NUP155: variants seen among roughly 807,000 people sequenced by gnomAD.
The protein encoded by NUP155 is nuclear pore complex protein Nup155.
In NUP155, 71 loss-of-function variants were observed where a neutral mutation model predicts 180.4. That is an observed-to-expected ratio of 0.39 (90% confidence interval 0.33 to 0.48). NUP155 has a LOEUF of 0.48. Ranked by LOEUF, NUP155 falls within the 20% of genes least tolerant of loss-of-function variation. NUP155 has a pLI of 0.91. For synonymous variants in NUP155, 582 were observed against 559.5 expected, an observed-to-expected ratio of 1.04 and a Z score of -0.57; for missense variants, 1,553 against 1,648.9, an observed-to-expected ratio of 0.94 and a Z score of 1.01.
chr5:37,318,084 T>C lies in NUP155; in HGVS notation c.2209A>G (p.Thr737Ala). The change falls in exon 21 of 35, where the codon ACT (threonine) becomes GCT (alanine). Residue 737 changes from threonine to alanine, a missense_variant and splice_region_variant. Physicochemically the swap from Thr to Ala is moderately conservative, Grantham distance 58. Transcript: ENST00000231498. ...FAGGPLGNPNTTAKVQQRLIG... is the reference protein window; with the variant it reads ...FAGGPLGNPNATAKVQQRLIG... ...AGCCTCTGCTGCACTTTAGCAGTAG[T>C]ACTGAAACAGAAATTGCAGAATGTG... is the stretch of plus-strand genomic sequence containing the variant. The C allele has an allele frequency of 2.5e-6, 4 of 1,586,912 alleles. No homozygotes were observed. The highest frequency in any genetic ancestry group is 3.5e-6 in the Non-Finnish European group (4 of 1,155,260).
intron 18 of NUP155, chr5:37,327,045 A>T (rs1016565788): frequency 2.0e-5 from 3 of 153,240 alleles, no homozygotes; most frequent in African/African-American, 7.3e-5. Context: ...TAGTAAATAT[A>T]TTTTCTCTTC....
intron 32 of NUP155, among the ~76,000 whole-genome samples, chr5:37,296,647 C>A (rs999022742): frequency 6.6e-6 from 1 of 151,510 alleles, no homozygotes. Context: ...TGTGACCCTG[C>A]CAAATCCCCC....
intron 21 of NUP155, 69 bp from the exon 22 acceptor site, chr5:37,314,397 T>C (rs1389310554): frequency 8.2e-7 from 1 of 1,219,196 alleles, no homozygotes; most frequent in African/African-American, 1.5e-5. Context: ...AAATAAAAAC[T>C]GTAGTTAAGG....
intron 32 of NUP155, among the ~76,000 whole-genome samples, chr5:37,298,359 C>CT (rs1339873786): frequency 6.6e-6 from 1 of 151,982 alleles, no homozygotes; most frequent in Non-Finnish European, 1.5e-5. Context: ...TGTTTTACCA[C>CT]TGAGGAAAAC....
At chr5:37,310,462 A>T in intron 23 of NUP155, 90 bp downstream of exon 23, 1 of 1,021,904 alleles carries the variant, frequency 9.8e-7, no homozygotes. Context: ...GATCTAACTG[A>T]CTGAGGTCCT....
intron 19 of NUP155, among the ~76,000 whole-genome samples, chr5:37,325,637 C>G (rs961332526): frequency 2.0e-5 from 3 of 151,760 alleles, no homozygotes; most frequent in Non-Finnish European, 4.4e-5. Context: ...GGCATGGTGG[C>G]GCACACCTGT....
chr5:37,304,282 T>C (rs1489846548), intron 27 of NUP155, among the ~76,000 whole-genome samples: 3 of 147,184 alleles, frequency 2.0e-5, no homozygotes, highest in African/African-American at 7.6e-5. Flanking sequence ...AAGGGAAATT[T>C]ACTATAAAAT....
chr5:37,321,889 C>T (rs1453960451), intron 20 of NUP155, among the ~76,000 whole-genome samples: 3 of 152,048 alleles, frequency 2.0e-5, no homozygotes, highest in Non-Finnish European at 4.4e-5. Flanking sequence ...GAGTTTCACT[C>T]TTGTTGCCCA....
rs930690150 is a variant in NUP155 at position 37,291,945 on chromosome 5, A to G, written c.4131T>C (p.Thr1377=). 2 of 1,614,106 alleles carry G rather than the reference A, an allele frequency of 1.2e-6. No homozygotes were observed. The highest frequency in any genetic ancestry group is 1.3e-5 in the African/African-American group (1 of 75,054). Residue 1377 remains threonine (T), a synonymous_variant, in exon 35 of 35, where the codon ACT becomes ACC. Coordinates refer to ENST00000231498, the MANE Select transcript of NUP155 (RefSeq NM_153485.3). ...TAGCTTGAAGAGATTTAAAATTCCC[A>G]GTGATGGCTTGTACTGCTACTGACG... is the stretch of plus-strand genomic sequence containing the variant. ...MSSSVAVQAI[T]GNFKSLQAKL... is the part of the protein sequence containing the mutation.
At chr5:37,323,396 A>T (rs187590193) in intron 20 of NUP155, among the ~76,000 whole-genome samples, 2 of 152,148 alleles carry the variant, frequency 1.3e-5, no homozygotes, top group Non-Finnish European at 2.9e-5. Flanking sequence ...GAAATGAGAC[A>T]AGTAGTAATA....
chr5:37,365,711 G>GGAAAAAAAAAAAAAAAAAAA lies in NUP155; in HGVS notation c.158-1328_158-1327insTTTTTTTTTTTTTTTTTTTC, dbSNP rs1491216296. ...TGACAGAGCAAGACTCTGTCTCGGG[G>GGAAAAAAAAAAAAAAAAAAA]AGAAAAAAAAAAAAAAAAAAAAAAA... On this transcript the variant is annotated intron_variant, in intron 1 of 34. Transcript: ENST00000231498. Among the ~76,000 whole-genome samples, 2 of 34,004 alleles carry GGAAAAAAAAAAAAAAAAAAA rather than the reference G, an allele frequency of 5.9e-5. 1 individual carries two copies. The highest frequency in any genetic ancestry group is 1.8e-3 in the East Asian group (2 of 1,102). 22.3% of individuals were successfully genotyped at this position (34,004 alleles called of 152,430 possible). A position where few individuals can be genotyped will look rare whatever the true frequency, so the allele number is the denominator to read the frequency against.
chr5:37,365,732 A>ATAT lies in NUP155; in HGVS notation c.158-1349_158-1348insATA, dbSNP rs1561818716. Among the ~76,000 whole-genome samples the ATAT allele has an allele frequency of 7.9e-4, 42 of 53,006 alleles. 1 individual carries two copies. The highest frequency in any genetic ancestry group is 2.4e-3 in the African/African-American group (40 of 16,394). 34.8% of individuals were successfully genotyped at this position (53,006 alleles called of 152,430 possible). On this transcript the variant is annotated intron_variant, in intron 1 of 34. Transcript: ENST00000231498. ...CGGGGAGAAAAAAAAAAAAAAAAAA[A>ATAT]AAAAAAATATATATATATATACACA...
intron 20 of NUP155, 147 bp from the exon 21 acceptor site, chr5:37,318,232 A>G (rs1328766482): frequency 1.5e-6 from 1 of 659,254 alleles, no homozygotes; most frequent in African/African-American, 1.8e-5. Context: ...TGATGGCCAG[A>G]AAAAATTTAT....
intron 32 of NUP155, among the ~76,000 whole-genome samples, chr5:37,295,308 A>C (rs1039368540): frequency 2.6e-5 from 4 of 152,132 alleles, no homozygotes; most frequent in Non-Finnish European, 2.9e-5. Context: ...CTCGGCCTCC[A>C]GAGGTGCCGG....
intron 25 of NUP155, 30 bp from the exon 26 acceptor site, chr5:37,305,240 A>G (rs751721478): frequency 3.0e-5 from 47 of 1,580,854 alleles, no homozygotes; most frequent in Non-Finnish European, 3.6e-5. Flanking sequence ...GAACAATTAC[A>G]TTATTTAACT....
chr5:37,339,565 C>G (rs955414268), intron 11 of NUP155, among the ~76,000 whole-genome samples: 65 of 152,034 alleles, frequency 4.3e-4, no homozygotes, highest in African/African-American at 1.4e-3. Flanking sequence ...AAGGTTGAAG[C>G]TATGGTGACC....
At chr5:37,326,611 G>A (rs902305820) in intron 18 of NUP155, among the ~76,000 whole-genome samples, 1 of 152,204 alleles carries the variant, frequency 6.6e-6, no homozygotes, top group Non-Finnish European at 1.5e-5. Context: ...CCTGCTGGGG[G>A]ATGAGAAACC....
In NUP155 at chr5:37,308,966, C is replaced by G. The variant is rs766677163; in HGVS notation, c.2767+163G>C. Among the ~76,000 whole-genome samples the G allele has an allele frequency of 2.1e-4, 31 of 151,208 alleles. No homozygotes were observed. The South Asian group carries it at 4.4e-3, about 21-fold the overall frequency. On this transcript the variant is annotated intron_variant, in intron 24 of 34. Coordinates refer to ENST00000231498, the MANE Select transcript of NUP155 (RefSeq NM_153485.3). ...AGGTCAGTGTAGTCATCAAATATTG[C>G]AACACAATGATACCACATTCCTACG... is the stretch of plus-strand genomic sequence containing the variant.
At chr5:37,327,808 A>C (rs1161646213) in intron 17 of NUP155, 32 bp from the exon 18 acceptor site, 1 of 1,608,068 alleles carries the variant, frequency 6.2e-7, no homozygotes, top group Non-Finnish European at 8.5e-7. Flanking sequence ...CAAATCTCTT[A>C]ATCTTAATCT....
Sources: allele counts gnomAD v4.1 joint callset (sites outside exome capture counted in the v4.1 genomes callset), GRCh38; gene constraint gnomAD v4.1.1; transcripts MANE v1.5; gene names NCBI Gene and HGNC (gene_info 2026-07-23, HGNC 2026-07-21).